Variants in TNFAIP8 observed in about 807,000 individuals in gnomAD.
TNFAIP8 encodes tumor necrosis factor alpha-induced protein 8.
A neutral mutation model predicts 13.3 loss-of-function variants in TNFAIP8; 7 were observed. The ratio of observed to expected loss-of-function variants is 0.52; its 90% CI spans 0.30 to 0.99. TNFAIP8 has a LOEUF of 0.99. TNFAIP8 is among the 50% of genes least tolerant of loss of function. The probability of loss-of-function intolerance (pLI) is 0.07; values close to 1 mark genes in which losing one functional copy is unlikely to be tolerated. For synonymous variants in TNFAIP8, 94 were observed against 87.6 expected (o/e 1.07, Z -0.41); for missense variants, 258 against 236.9 (o/e 1.09, Z -0.58).
At chr5:119,340,016 G>A (rs1750685094) in intron 1 of TNFAIP8, among the ~76,000 whole-genome samples, 1 of 152,228 alleles carries the variant, frequency 6.6e-6, no homozygotes, top group South Asian at 2.1e-4. Context: ...GCTCCAGGAG[G>A]ATGGCTGTCT....
At chr5:119,292,615 C>T (rs995317449) in intron 1 of TNFAIP8, among the ~76,000 whole-genome samples, 2 of 127,406 alleles carry the variant, frequency 1.6e-5, no homozygotes, top group Non-Finnish European at 3.3e-5. Context: ...CTCAAATATC[C>T]ACCAATTAGT....
intron 1 of TNFAIP8, among the ~76,000 whole-genome samples, chr5:119,374,991 A>G (rs1196834582): frequency 1.3e-5 from 2 of 152,248 alleles, no homozygotes; most frequent in Non-Finnish European, 2.9e-5. Flanking sequence ...TGAATATAGT[A>G]AAAACCACTG....
chr5:119,302,459 T>C (rs781023271), intron 1 of TNFAIP8, among the ~76,000 whole-genome samples: 7 of 152,230 alleles, frequency 4.6e-5, no homozygotes, highest in African/African-American at 1.7e-4. Context: ...AGTCACTGGG[T>C]AAATGTAAAA....
At chr5:119,292,819 T>C (rs1434074139) in intron 1 of TNFAIP8, among the ~76,000 whole-genome samples, 2 of 151,474 alleles carry the variant, frequency 1.3e-5, no homozygotes, top group African/African-American at 4.8e-5. Flanking sequence ...TACTGTGTGG[T>C]TCTGTTCATG....
intron 1 of TNFAIP8, among the ~76,000 whole-genome samples, chr5:119,337,545 A>C (rs1750594489): frequency 6.6e-6 from 1 of 152,124 alleles, no homozygotes; most frequent in Non-Finnish European, 1.5e-5. Flanking sequence ...GCTGGAGGTA[A>C]TTTCGTTATC....
At chr5:119,326,189 G>A (rs879289817) in intron 1 of TNFAIP8, among the ~76,000 whole-genome samples, 2 of 152,140 alleles carry the variant, frequency 1.3e-5, no homozygotes, top group Admixed American at 6.5e-5. Flanking sequence ...CTGTCGTTTA[G>A]GAATGTGTGG....
chr5:119,295,205 AGGTCT>A (rs1749132839), intron 1 of TNFAIP8, among the ~76,000 whole-genome samples: 1 of 51,166 alleles, frequency 2.0e-5, no homozygotes, highest in South Asian at 4.3e-4. Flanking sequence ...TTAGACCTAT[AGGTCT>A]AACGTTTAGT....
intron 1 of TNFAIP8, among the ~76,000 whole-genome samples, chr5:119,383,426 A>G (rs1267285733): frequency 5.3e-5 from 8 of 152,240 alleles, no homozygotes; most frequent in Non-Finnish European, 1.2e-4. Flanking sequence ...GACCTACTTT[A>G]CATACTTGCT....
At chr5:119,277,732 A>T (rs930488780) in intron 1 of TNFAIP8, among the ~76,000 whole-genome samples, 5 of 152,214 alleles carry the variant, frequency 3.3e-5, no homozygotes, top group Non-Finnish European at 7.3e-5. Flanking sequence ...TGTAAAGAAC[A>T]GAAATTTATT....
At chr5:119,353,806 A>C (rs1751274446), upstream of TNFAIP8, among the ~76,000 whole-genome samples, 4 of 152,362 alleles carry the variant, frequency 2.6e-5, no homozygotes, top group South Asian at 8.3e-4. Context: ...ACTTTCTAAA[A>C]GAAGAGAGTG....
intron 1 of TNFAIP8, among the ~76,000 whole-genome samples, chr5:119,321,445 C>A (rs1234296237): frequency 6.6e-6 from 1 of 152,024 alleles, no homozygotes; most frequent in Non-Finnish European, 1.5e-5. Flanking sequence ...ACACATTTTT[C>A]CCAAACTCCA....
chr5:119,392,688 A>T, intron 1 of TNFAIP8, 128 bp from the exon 2 acceptor site: 1 of 1,108,914 alleles, frequency 9.0e-7, no homozygotes, highest in Non-Finnish European at 1.2e-6. Context: ...ATGTCGGTAG[A>T]TGTAAGACAA....
intron 1 of TNFAIP8, among the ~76,000 whole-genome samples, chr5:119,372,322 CA>C (rs67551765): frequency 0.21 from 23,658 of 111,782 alleles, 1,659 homozygotes; most frequent in Middle Eastern, 0.24. Context: ...GACCCTGTCT[CA>C]AAAAAAAAAA....
At chr5:119,278,871 AACTG>A (rs1432756489) in intron 1 of TNFAIP8, among the ~76,000 whole-genome samples, 3 of 152,302 alleles carry the variant, frequency 2.0e-5, no homozygotes, top group East Asian at 1.9e-4. Context: ...TTCATTTTAA[AACTG>A]ACTGGAAGTA....
intron 1 of TNFAIP8, among the ~76,000 whole-genome samples, chr5:119,384,964 C>T (rs965388383): frequency 3.9e-5 from 6 of 152,096 alleles, no homozygotes; most frequent in Non-Finnish European, 7.4e-5. Flanking sequence ...AAAAGATACA[C>T]GGTTGAACTC....
chr5:119,351,301 A>C (rs1751133312), upstream of TNFAIP8, among the ~76,000 whole-genome samples: 1 of 152,196 alleles, frequency 6.6e-6, no homozygotes, highest in Non-Finnish European at 1.5e-5. Context: ...TGCTGGGATT[A>C]AATTCATGAG....
chr5:119,278,705 A>G (rs1363223), intron 1 of TNFAIP8, among the ~76,000 whole-genome samples: 5,706 of 152,270 alleles, frequency 0.037, 156 homozygotes, highest in Non-Finnish European at 0.052. Context: ...AGTTACAGCC[A>G]TCAGTATTCC....
intron 1 of TNFAIP8, among the ~76,000 whole-genome samples, chr5:119,388,613 TACATGAA>T (rs1661780495): frequency 6.6e-6 from 1 of 151,878 alleles, no homozygotes; most frequent in Non-Finnish European, 1.5e-5. Context: ...GCAAAGAACT[TACATGAA>T]GCATCTTTTT....
chr5:119,323,180 C>G (rs73235268), intron 1 of TNFAIP8, among the ~76,000 whole-genome samples: 8,112 of 152,314 alleles, frequency 0.053, 651 homozygotes, highest in African/African-American at 0.18. Context: ...CCTACACTTT[C>G]TCCAGTCTAA....
Sources: allele counts gnomAD v4.1 joint callset (sites outside exome capture counted in the v4.1 genomes callset), GRCh38; gene constraint gnomAD v4.1.1; transcripts MANE v1.5; gene names NCBI Gene and HGNC (gene_info 2026-07-23, HGNC 2026-07-21).